Variants in RPS26 observed in about 807,000 individuals in gnomAD.
RPS26 encodes ribosomal protein S26.
RPS26 carries 1 observed loss-of-function variant against 14.7 expected under a neutral mutation model. The ratio of observed to expected loss-of-function variants is 0.07; its 90% CI spans 0.02 to 0.32. The LOEUF (loss-of-function observed/expected upper bound fraction) is 0.32. RPS26 is among the 10% of genes least tolerant of loss of function. RPS26 has a pLI of 1.00. For missense variants in RPS26, 63 were observed against 157.7 expected (o/e 0.40, Z 3.22); for synonymous variants, 59 against 53.1 (o/e 1.11, Z -0.48).
intron 3 of RPS26, among the ~76,000 whole-genome samples, chr12:56,043,776 C>T (rs982096817): frequency 4.0e-5 from 6 of 151,624 alleles, no homozygotes; most frequent in African/African-American, 7.3e-5. Flanking sequence ...ATACCACTTG[C>T]GCTCCAGCCA....
At chr12:56,042,645 C>G in intron 2 of RPS26, 43 bp downstream of exon 2, 1 of 1,547,234 alleles carries the variant, frequency 6.5e-7, no homozygotes, top group South Asian at 1.1e-5. Flanking sequence ...ATCCCAGTAT[C>G]TTAAAGCCTT....
Position 56,042,565 on chromosome 12 carries a change from A to G in RPS26, c.144A>G (p.Ala48=), listed in dbSNP as rs150715896. Reference sequence around the variant, plus strand: ...TCATTCGAAACATAGTGGAGGCCGCAGCAGTCAGGGACATTTCTGAAGCGA... The same window carrying G: ...TCATTCGAAACATAGTGGAGGCCGCGGCAGTCAGGGACATTTCTGAAGCGA... ...KFVIRNIVEA[A]AVRDISEASV... The change falls in exon 2 of 4, where the codon GCA becomes GCG. Residue 48 remains alanine, a synonymous_variant. Coordinates refer to ENST00000646449, the MANE Select transcript of RPS26 (RefSeq NM_001029.5). 2.8e-5 allele frequency: 45 copies of G among 1,599,294 alleles called. No individual in the cohort carries two copies. The highest frequency in any genetic ancestry group is 3.8e-5 in the Non-Finnish European group (45 of 1,179,748).
At position 56,043,299 on chromosome 12, in the gene RPS26, T is replaced by A. The variant is rs1593023676; in HGVS notation, c.182-64T>A. 27 of 1,470,730 alleles carry A rather than the reference T, an allele frequency of 1.8e-5. 2 individuals are homozygous for A. The South Asian group carries it at 3.1e-4, about 17-fold the overall frequency. 91.1% of individuals were successfully genotyped at this position (1,470,730 alleles called of 1,614,324 possible). On this transcript the variant is annotated intron_variant, in intron 2 of 3. Transcript: ENST00000646449. ...ACGTAAACATGTAAGGTGCTCTTCA[T>A]TCATGTAACAAAAAAGCAAGGTAGG...
chr12:56,042,129 C>T lies in RPS26; in HGVS notation c.-38C>T. On this transcript the variant is annotated 5_prime_UTR_variant, in exon 1 of 4. Coordinates refer to ENST00000646449, the MANE Select transcript of RPS26 (RefSeq NM_001029.5). ...TCTCATGCTATATAGGAGGGCCCTG[C>T]CAGGCACCGTCTCCTCTCTCCGGTC... 1 of 1,612,576 alleles carries T rather than the reference C, an allele frequency of 6.2e-7. No homozygotes were observed. The highest frequency in any genetic ancestry group is 8.5e-7 in the Non-Finnish European group (1 of 1,178,614).
intron 2 of RPS26, chr12:56,043,095 G>C (rs547526360): frequency 7.1e-5 from 32 of 449,528 alleles, no homozygotes; most frequent in South Asian, 3.9e-4. Flanking sequence ...TGGATTATTG[G>C]TTTATTGCAT....
intron 2 of RPS26, 176 bp from the exon 3 acceptor site, chr12:56,043,187 A>T: frequency 1.6e-6 from 1 of 619,144 alleles, no homozygotes; most frequent in South Asian, 1.7e-5. Context: ...AGGGTTATAC[A>T]TATGTGCTCA....
At position 56,044,314 on chromosome 12, in the gene RPS26, A is replaced by T; in HGVS notation, c.*160A>T. 1.6e-6 allele frequency: 1 copy of T among 618,714 alleles called. No homozygotes were observed. The allele number at this position is 618,714 out of a possible 1,614,324, so 38.3% of individuals were successfully genotyped here. A position where few individuals can be genotyped will look rare whatever the true frequency, so the allele number is the denominator to read the frequency against. On this transcript the variant is annotated 3_prime_UTR_variant, in exon 4 of 4. Coordinates refer to ENST00000646449, the MANE Select transcript of RPS26 (RefSeq NM_001029.5). ...GTGACACACATTATTTTCATGGGGAAGAAAGCTTATTCATGTAATTTAATT... is the reference window on the plus strand; with the variant it reads ...GTGACACACATTATTTTCATGGGGATGAAAGCTTATTCATGTAATTTAATT...
At chr12:56,042,657 G>T (rs1446665916) in intron 2 of RPS26, 55 bp downstream of exon 2, 1 of 1,461,996 alleles carries the variant, frequency 6.8e-7, no homozygotes. Flanking sequence ...TAAAGCCTTC[G>T]CCCAACTTCG....
rs921656447 is a variant in RPS26 at position 56,042,404 on chromosome 12, A to G, written c.4-21A>G. 5.6e-6 allele frequency: 9 copies of G among 1,613,446 alleles called. No individual in the cohort carries two copies. The East Asian group carries it at 6.7e-5, about 12-fold the overall frequency. On this transcript the variant is annotated intron_variant, in intron 1 of 3. Transcript: ENST00000646449. ...GGGTGAGTTGCGCCGTTTTCCTAACAGTTTTCCCATCCTGTCGCAGACAAA... is the reference window on the plus strand; with the variant it reads ...GGGTGAGTTGCGCCGTTTTCCTAACGGTTTTCCCATCCTGTCGCAGACAAA...
chr12:56,043,590 T>G, intron 3 of RPS26, 97 bp downstream of exon 3: 2 of 1,215,840 alleles, frequency 1.6e-6, no homozygotes, highest in Non-Finnish European at 2.4e-6. Flanking sequence ...CTCAACACTT[T>G]GGGAGGCTGG....
intron 2 of RPS26, 147 bp downstream of exon 2, chr12:56,042,749 T>C: frequency 1.4e-6 from 1 of 731,796 alleles, no homozygotes; most frequent in East Asian, 2.7e-5. Flanking sequence ...GAGAATTCTC[T>C]TGTTTGCCGT....
At chr12:56,042,263 G>A in intron 1 of RPS26, 94 bp downstream of exon 1, 2 of 1,549,934 alleles carry the variant, frequency 1.3e-6, no homozygotes, top group Non-Finnish European at 1.8e-6. Context: ...GGGGTGGACC[G>A]AGTGTACATT....
chr12:56,043,995 A>G, intron 3 of RPS26, 124 bp from the exon 4 acceptor site: 1 of 855,812 alleles, frequency 1.2e-6, no homozygotes, highest in South Asian at 1.3e-5. Context: ...CACCTCTATC[A>G]GCTTCCCATG....
chr12:56,042,410 C>A lies in RPS26; in HGVS notation c.4-15C>A. On this transcript the variant is annotated splice_polypyrimidine_tract_variant and intron_variant, in intron 1 of 3. Transcript: ENST00000646449. ...GTTGCGCCGTTTTCCTAACAGTTTT[C>A]CCATCCTGTCGCAGACAAAGAAAAG... 2 of 1,613,656 alleles carry A rather than the reference C, an allele frequency of 1.2e-6. No homozygotes were observed. Among genetic ancestry groups the A allele is most frequent in the Non-Finnish European group, 1.7e-6 (2 of 1,179,614 alleles).
intron 3 of RPS26, among the ~76,000 whole-genome samples, 187 bp downstream of exon 3, chr12:56,043,680 T>G (rs1018741922): frequency 6.6e-6 from 1 of 152,050 alleles, no homozygotes; most frequent in African/African-American, 2.4e-5. Flanking sequence ...AGCATGATAG[T>G]GTGAACCTAT....
At chr12:56,044,088 TA>T in intron 3 of RPS26, 30 bp from the exon 4 acceptor site, 4 of 1,607,922 alleles carry the variant, frequency 2.5e-6, no homozygotes, top group Non-Finnish European at 3.4e-6. Context: ...CCATGGGTTT[TA>T]ATTTACTCTT....
At chr12:56,042,329 C>G in intron 1 of RPS26, 96 bp from the exon 2 acceptor site, 5 of 1,528,464 alleles carry the variant, frequency 3.3e-6, no homozygotes, top group Non-Finnish European at 4.5e-6. Flanking sequence ...CCGAGCGGCG[C>G]CTTCCTGGAG....
rs1256035449 is a variant in RPS26 at position 56,042,617 on chromosome 12, G to A, written c.181+15G>A. 7 of 1,595,932 alleles carry A rather than the reference G, an allele frequency of 4.4e-6. No homozygotes were observed. Among genetic ancestry groups the A allele is most frequent in the Non-Finnish European group, 5.9e-6 (7 of 1,177,600 alleles). On this transcript the variant is annotated intron_variant, in intron 2 of 3. Transcript: ENST00000646449. ...CGTCTTCGATGGTAAGTGGGTCACC[G>A]GCGCGAACTGTGTGAGGATCCCAGT...
At chr12:56,043,237 T>C in intron 2 of RPS26, 126 bp from the exon 3 acceptor site, 2 of 920,920 alleles carry the variant, frequency 2.2e-6, no homozygotes, top group South Asian at 2.7e-5. Context: ...TGCTTTTATG[T>C]GCCCGACAGG....
Sources: gnomAD v4.1 joint callset for allele counts (sites outside exome capture counted in the v4.1 genomes callset) on GRCh38, gnomAD v4.1.1 for gene constraint, MANE v1.5 for transcripts, NCBI Gene and HGNC (gene_info 2026-07-23, HGNC 2026-07-21) for gene names.